INPP4B: variants seen among roughly 807,000 people sequenced by gnomAD.
INPP4B encodes inositol polyphosphate-4-phosphatase type II B.
INPP4B carries 55 observed loss-of-function variants against 122.5 expected under a neutral mutation model. The ratio of observed to expected loss-of-function variants is 0.45; its 90% CI spans 0.36 to 0.56. The LOEUF (loss-of-function observed/expected upper bound fraction) is 0.56, where lower values mean the gene tolerates loss of function less well. Ranked by LOEUF, INPP4B falls within the 20% of genes least tolerant of loss-of-function variation. The probability of loss-of-function intolerance (pLI) is 0.00; values close to 1 mark genes in which losing one functional copy is unlikely to be tolerated. For missense variants in INPP4B, 1,000 were observed against 1,097.7 expected (o/e 0.91, Z 1.26); for synonymous variants, 403 against 388.7 (o/e 1.04, Z -0.43).
intron 2 of INPP4B, chr4:142,565,972 G>A (rs745786466): frequency 1.3e-5 from 2 of 152,100 alleles, no homozygotes; most frequent in African/African-American, 4.8e-5. Flanking sequence ...ACCAACGTAC[G>A]TACACTCATA....
At chr4:142,757,531 C>T (rs1398924009) in intron 1 of INPP4B, among the ~76,000 whole-genome samples, 2 of 152,128 alleles carry the variant, frequency 1.3e-5, no homozygotes, top group African/African-American at 2.4e-5. Context: ...TGGAATCATA[C>T]AGCATATAAC....
chr4:142,047,840 T>A (rs989922335), intron 25 of INPP4B, among the ~76,000 whole-genome samples: 1 of 152,200 alleles, frequency 6.6e-6, no homozygotes, highest in Admixed American at 6.6e-5. Context: ...TTTTCCTTCC[T>A]TTTCCTAGAT....
rs1308638285 is a variant in INPP4B at position 142,529,356 on chromosome 4, GATCTTTTACTTATAC to G, written c.-190-66645_-190-66631del. 4.6e-5 allele frequency among the ~76,000 whole-genome samples: 7 copies of G among 151,916 alleles called. No individual in the cohort carries two copies. The East Asian group carries it at 1.4e-3, about 29-fold the overall frequency. ...TTTTATTTTCAACTATATGAAGCTA[GATCTTTTACTTATAC>G]TTTAACCACAACAAATTGCAACTGT... On this transcript the variant is annotated intron_variant, in intron 2 of 25. Transcript: ENST00000262992.
intron 2 of INPP4B, among the ~76,000 whole-genome samples, chr4:142,572,195 A>G (rs986403733): frequency 1.3e-5 from 2 of 152,284 alleles, no homozygotes; most frequent in East Asian, 3.9e-4. Flanking sequence ...TATCACTGGC[A>G]TGTAAAACTA....
At chr4:142,827,818 C>T (rs1197748099) in intron 1 of INPP4B, among the ~76,000 whole-genome samples, 2 of 152,128 alleles carry the variant, frequency 1.3e-5, no homozygotes, top group Admixed American at 6.6e-5. Context: ...TGGACAAGAA[C>T]TATGTGCTAG....
chr4:142,604,249 A>G (rs1740714147), intron 2 of INPP4B, among the ~76,000 whole-genome samples: 1 of 152,156 alleles, frequency 6.6e-6, no homozygotes, highest in East Asian at 1.9e-4. Context: ...AAAGCCATAT[A>G]TTACAAACCC....
intron 14 of INPP4B, among the ~76,000 whole-genome samples, chr4:142,198,852 A>T (rs1343548334): frequency 3.3e-5 from 5 of 151,758 alleles, no homozygotes; most frequent in African/African-American, 1.2e-4. Context: ...CAGTTCTCAC[A>T]CTCTCCTAAG....
chr4:142,460,466 G>T (rs1437709716), intron 3 of INPP4B, among the ~76,000 whole-genome samples: 1 of 152,100 alleles, frequency 6.6e-6, no homozygotes, highest in African/African-American at 2.4e-5. Flanking sequence ...TATTCAATCC[G>T]GCTGGAATAT....
chr4:142,547,812 G>A (rs1185962109), intron 2 of INPP4B, among the ~76,000 whole-genome samples: 1 of 152,008 alleles, frequency 6.6e-6, no homozygotes, highest in East Asian at 1.9e-4. Context: ...CAAATTTAGG[G>A]ACCAGTTTAG....
At chr4:142,846,455 C>A (rs1784212038), upstream of INPP4B, 2 of 152,264 alleles carry the variant, frequency 1.3e-5, no homozygotes, top group Admixed American at 1.3e-4. The surrounding 1 kb of genome is among the most constrained non-coding windows in gnomAD (Gnocchi z 5.1). Context: ...TGGCTTCGGC[C>A]GCGCTCCCTG....
At position 142,473,611 on chromosome 4, in the gene INPP4B, C is replaced by A. The variant is rs147091970; in HGVS notation, c.-190-10885G>T. On this transcript the variant is annotated intron_variant, in intron 2 of 25. Transcript: ENST00000262992. ...AGCACAATAGCCCCAACAGAGGTCG[C>A]AGTTTGGTGCCTGAGAGCAGTAAGA... 2.0e-5 allele frequency among the ~76,000 whole-genome samples: 3 copies of A among 152,346 alleles called. No homozygotes were observed. In the East Asian group the frequency reaches 5.8e-4, roughly 29 times the overall value.
intron 10 of INPP4B, among the ~76,000 whole-genome samples, chr4:142,265,609 C>T (rs568244884): frequency 4.6e-5 from 7 of 152,178 alleles, no homozygotes; most frequent in African/African-American, 1.4e-4. Context: ...TCTCAAACAT[C>T]GATATTCTTA....
intron 11 of INPP4B, among the ~76,000 whole-genome samples, chr4:142,252,030 A>T (rs1245703412): frequency 6.6e-6 from 1 of 152,314 alleles, no homozygotes; most frequent in East Asian, 1.9e-4. Flanking sequence ...AGTGGATTTA[A>T]ATTCTGGACC....
At chr4:142,802,745 G>A (rs1037814201) in intron 1 of INPP4B, among the ~76,000 whole-genome samples, 2 of 151,518 alleles carry the variant, frequency 1.3e-5, no homozygotes, top group Admixed American at 6.6e-5. Flanking sequence ...TTTTAACCTG[G>A]GAATGAGTTT....
chr4:142,393,408 C>T (rs1325420566), intron 7 of INPP4B, among the ~76,000 whole-genome samples: 1 of 152,154 alleles, frequency 6.6e-6, no homozygotes, highest in Non-Finnish European at 1.5e-5. Context: ...TGGTTTTTCT[C>T]CTGTAAACAG....
intron 23 of INPP4B, among the ~76,000 whole-genome samples, chr4:142,097,219 ATGTTAT>A (rs1194769109): frequency 2.7e-4 from 4 of 14,874 alleles, no homozygotes; most frequent in Admixed American, 2.9e-3. Context: ...TGTTTATTTT[ATGTTAT>A]TTTTATTTTA....
chr4:142,675,948 G>A (rs1365253866), intron 2 of INPP4B, among the ~76,000 whole-genome samples: 1 of 152,174 alleles, frequency 6.6e-6, no homozygotes, highest in Admixed American at 6.5e-5. Flanking sequence ...AGACAAGGAT[G>A]CCCTCTCTCA....
intron 2 of INPP4B, among the ~76,000 whole-genome samples, chr4:142,563,291 G>C (rs1730864970): frequency 6.6e-6 from 1 of 152,148 alleles, no homozygotes; most frequent in Non-Finnish European, 1.5e-5. Context: ...GAGAGTGTTG[G>C]CTTCATTTTA....
At chr4:142,547,771 T>C (rs1250451312) in intron 2 of INPP4B, among the ~76,000 whole-genome samples, 1 of 152,172 alleles carries the variant, frequency 6.6e-6, no homozygotes, top group Non-Finnish European at 1.5e-5. Flanking sequence ...CCTCACTTTT[T>C]ATTGTATTCT....
Sources: allele counts gnomAD v4.1 joint callset (sites outside exome capture counted in the v4.1 genomes callset), GRCh38; gene constraint gnomAD v4.1.1; non-coding constraint Gnocchi (gnomAD v3.1); transcripts MANE v1.5; gene names NCBI Gene and HGNC (gene_info 2026-07-23, HGNC 2026-07-21).